ZC3H12D: variants seen among roughly 807,000 people sequenced by gnomAD.
ZC3H12D encodes probable ribonuclease ZC3H12D.
ZC3H12D carries 11 observed loss-of-function variants against 24.2 expected under a neutral mutation model. The observed-to-expected ratio is 0.46, with a 90% CI of 0.29 to 0.75. The LOEUF (loss-of-function observed/expected upper bound fraction) is 0.75, where lower values mean the gene tolerates loss of function less well. ZC3H12D is among the 30% of genes least tolerant of loss of function. The probability of loss-of-function intolerance (pLI) is 0.11; values close to 1 mark genes in which losing one functional copy is unlikely to be tolerated. For synonymous variants in ZC3H12D, 333 were observed against 341.8 expected (o/e 0.97, Z 0.28); for missense variants, 740 against 767.7 (o/e 0.96, Z 0.43).
chr6:149,471,692 AAC>A (rs1463095311), intron 2 of ZC3H12D, among the ~76,000 whole-genome samples: 1 of 152,250 alleles, frequency 6.6e-6, no homozygotes, highest in Non-Finnish European at 1.5e-5. Flanking sequence ...TGAGCTGAGG[AAC>A]ACAGTCTCTA....
In ZC3H12D at chr6:149,452,784, A is replaced by C; in HGVS notation, c.681-62T>G. 6.9e-7 allele frequency: 1 copy of C among 1,452,370 alleles called. No individual in the cohort carries two copies. Among genetic ancestry groups the C allele is most frequent in the Non-Finnish European group, 9.4e-7 (1 of 1,068,502 alleles). The allele number at this position is 1,452,370 out of a possible 1,614,324, so 90.0% of individuals were successfully genotyped here. On this transcript the variant is annotated intron_variant, in intron 4 of 5. Coordinates refer to ENST00000409806, the MANE Select transcript of ZC3H12D (RefSeq NM_207360.3). This position sits in a 1 kb window ranked among gnomAD's most constrained non-coding sequence, Gnocchi z 4.0. ...TGGGATTTGCCACCAGCACCTGTAC[A>C]AAGGGAGCAGGCCCAAGTTCCCCAA...
rs1297785872 is a variant in ZC3H12D, at chr6:149,449,580, G to A, written c.*1103C>T. ...AGCCTCCTGAGTAGCTGGGACTACA[G>A]GTGTATGCCACCATGCCTGGCTAAA... is the stretch of plus-strand genomic sequence containing the variant. On this transcript the variant is annotated 3_prime_UTR_variant, in exon 6 of 6. Transcript: ENST00000409806. The A allele has an allele frequency of 6.6e-6, 1 of 152,228 alleles. No homozygotes were observed. Among genetic ancestry groups the A allele is most frequent in the Non-Finnish European group, 1.5e-5 (1 of 68,132 alleles). The allele number at this position is 152,228 out of a possible 1,614,324, so 9.4% of individuals were successfully genotyped here. A position where few individuals can be genotyped will look rare whatever the true frequency, so the allele number is the denominator to read the frequency against.
At chr6:149,463,170 C>T (rs1776102311) in intron 2 of ZC3H12D, among the ~76,000 whole-genome samples, 1 of 152,162 alleles carries the variant, frequency 6.6e-6, no homozygotes, top group Non-Finnish European at 1.5e-5. Flanking sequence ...TCTACAGAAT[C>T]ACTCTCACCC....
intron 2 of ZC3H12D, among the ~76,000 whole-genome samples, chr6:149,464,202 C>A (rs1445699599): frequency 6.6e-6 from 1 of 152,140 alleles, no homozygotes; most frequent in Non-Finnish European, 1.5e-5. Context: ...AGGGACGGAT[C>A]TGAGAAGGAG....
rs1166581224 is a variant in ZC3H12D, at chr6:149,450,900, G to A, written c.1367C>T (p.Ala456Val). 4.5e-6 allele frequency: 7 copies of A among 1,540,450 alleles called. No homozygotes were observed. The highest frequency in any genetic ancestry group is 6.1e-6 in the Non-Finnish European group (7 of 1,146,328). Residue 456 changes from alanine (A) to valine (V), a missense_variant, in exon 6 of 6, where the codon GCC becomes GTC. Coordinates refer to ENST00000409806, the MANE Select transcript of ZC3H12D (RefSeq NM_207360.3). ...TCCCCCAGTGGCGCCGTCGCCCCAG[G>A]CCGGCTCCGCCCAGACGGAGCGCCC... Reference protein sequence around the residue: ...FPGRSVWAEPAWGDGATGGLS... With the variant: ...FPGRSVWAEPVWGDGATGGLS...
At chr6:149,472,325 G>T (rs1776258934) in intron 2 of ZC3H12D, among the ~76,000 whole-genome samples, 2 of 152,186 alleles carry the variant, frequency 1.3e-5, no homozygotes, top group Non-Finnish European at 2.9e-5. Context: ...AGAGGGAGGG[G>T]ATGTGTGTGT....
chr6:149,465,181 G>A lies in ZC3H12D; in HGVS notation c.306-3211C>T, dbSNP rs1041043888. On this transcript the variant is annotated intron_variant, in intron 2 of 5. Coordinates refer to ENST00000409806, the MANE Select transcript of ZC3H12D (RefSeq NM_207360.3). ...CCAGCCTGACCAACATGGTGAAACC[G>A]CATCTTTACTAAAAATACAAAAATT... 4.6e-5 allele frequency among the ~76,000 whole-genome samples: 7 copies of A among 151,766 alleles called. No homozygotes were observed. In the East Asian group the frequency reaches 5.8e-4, roughly 13 times the overall value.
At chr6:149,459,485 G>A in intron 3 of ZC3H12D, 1 of 671,952 alleles carries the variant, frequency 1.5e-6, no homozygotes, top group South Asian at 1.7e-5. Flanking sequence ...CAGCATGGAG[G>A]GAACCACAGC....
At chr6:149,467,770 T>C (rs769289789) in intron 2 of ZC3H12D, among the ~76,000 whole-genome samples, 13 of 152,134 alleles carry the variant, frequency 8.5e-5, no homozygotes, top group Non-Finnish European at 1.8e-4. Context: ...CTCCCTAGTC[T>C]CCCAAAGACC....
chr6:149,456,610 A>G lies in ZC3H12D; in HGVS notation c.680+56T>C. 5 of 1,048,970 alleles carry G rather than the reference A, an allele frequency of 4.8e-6. No homozygotes were observed. The highest frequency in any genetic ancestry group is 1.6e-5 in the African/African-American group (1 of 64,132). 65.0% of individuals were successfully genotyped at this position (1,048,970 alleles called of 1,614,324 possible). On this transcript the variant is annotated intron_variant, in intron 4 of 5. Transcript: ENST00000409806. This position sits in a 1 kb window ranked among gnomAD's most constrained non-coding sequence, Gnocchi z 4.3. The stretch of plus-strand genomic sequence containing the variant: ...GGTAGCAGGCGTGGCCACTGCCTCG[A>G]CCCCGGCCCCCCGCCCCGCCGCCCC...
chr6:149,461,960 T>A lies in ZC3H12D; in HGVS notation c.316A>T (p.Lys106Ter), dbSNP rs1398617806. The A allele has an allele frequency of 3.1e-6, 5 of 1,611,362 alleles. No individual in the cohort carries two copies. Among genetic ancestry groups the A allele is most frequent in the Non-Finnish European group, 3.4e-6 (4 of 1,178,912 alleles). The change falls in exon 3 of 6, where the codon AAA becomes TAA. Residue 106 changes from lysine (K) to a stop codon, truncating the protein, a stop_gained. Coordinates refer to ENST00000409806, the MANE Select transcript of ZC3H12D (RefSeq NM_207360.3). LOFTEE classifies it high-confidence loss of function. ...ATTCCCCGGCAAGAGAAGGTTTCTT[T>A]ATTTCCATGGCTACAATGGGAAAAC... ...GSNVAMSHGN[K>*]ETFSCRGIKL...
At chr6:149,459,431 A>G (rs1053537728) in intron 3 of ZC3H12D, 20 of 589,106 alleles carry the variant, frequency 3.4e-5, no homozygotes, top group Non-Finnish European at 6.1e-5. Context: ...GGATTTTGAC[A>G]TACTTTGGGA....
intron 2 of ZC3H12D, among the ~76,000 whole-genome samples, chr6:149,473,350 C>T (rs1047065559): frequency 1.3e-5 from 2 of 152,212 alleles, no homozygotes; most frequent in African/African-American, 4.8e-5. Flanking sequence ...GGGAGTAACT[C>T]AGCTTTTGAA....
intron 3 of ZC3H12D, chr6:149,459,681 A>C (rs900552399): frequency 1.1e-5 from 8 of 717,988 alleles, no homozygotes; most frequent in Non-Finnish European, 1.8e-5. Flanking sequence ...CCCTATCCCT[A>C]TAAAGAAAGT....
Position 149,456,627 on chromosome 6 carries a change from C to CCCCCCCCCCCCCCGGGGGGGGG in ZC3H12D, c.680+38_680+39insCCCCCCCCCGGGGGGGGGGGGG. The CCCCCCCCCCCCCCGGGGGGGGG allele has an allele frequency of 1.4e-6, 2 of 1,403,090 alleles. No homozygotes were observed. Among genetic ancestry groups the CCCCCCCCCCCCCCGGGGGGGGG allele is most frequent in the Non-Finnish European group, 2.0e-6 (2 of 997,692 alleles). 86.9% of individuals were successfully genotyped at this position (1,403,090 alleles called of 1,614,324 possible). A position where few individuals can be genotyped will look rare whatever the true frequency, so the allele number is the denominator to read the frequency against. ...CTGCCTCGACCCCGGCCCCCCGCCC[C>CCCCCCCCCCCCCCGGGGGGGGG]GCCGCCCCCCAGGGTGTCAGGACCC... On this transcript the variant is annotated intron_variant, in intron 4 of 5. Transcript: ENST00000409806. This position sits in a 1 kb window ranked among gnomAD's most constrained non-coding sequence, Gnocchi z 4.3.
In ZC3H12D at chr6:149,482,725, C is replaced by T. The variant is rs577231797; in HGVS notation, c.-71+2088G>A. On this transcript the variant is annotated intron_variant, in intron 1 of 5. Coordinates refer to ENST00000409806, the MANE Select transcript of ZC3H12D (RefSeq NM_207360.3). ...AGAGGAGAGAAGGAGTAGGCGGAGA[C>T]GTGGCAGCTCCCACGGGTGCTTCCT... Among the ~76,000 whole-genome samples, 655 of 152,316 alleles carry T rather than the reference C, an allele frequency of 4.3e-3. 10 individuals carry two copies. The highest frequency in any genetic ancestry group is 0.016 in the South Asian group (78 of 4,824).
In ZC3H12D at chr6:149,452,734, G is replaced by A. The variant is rs200613473; in HGVS notation, c.681-12C>T. 3.2e-6 allele frequency: 5 copies of A among 1,583,252 alleles called. No homozygotes were observed. Among genetic ancestry groups the A allele is most frequent in the Admixed American group, 1.8e-5 (1 of 56,260 alleles). Reference sequence around the variant, plus strand: ...CAGGCGGCATGAACCTGGAAAATAAGCACAGGGGCAACTGCAAGACCACCT... The same window carrying A: ...CAGGCGGCATGAACCTGGAAAATAAACACAGGGGCAACTGCAAGACCACCT... On this transcript the variant is annotated splice_polypyrimidine_tract_variant and intron_variant, in intron 4 of 5. Coordinates refer to ENST00000409806, the MANE Select transcript of ZC3H12D (RefSeq NM_207360.3). The surrounding 1 kb of genome is among the most constrained non-coding windows in gnomAD (Gnocchi z 4.0).
chr6:149,474,373 C>T lies in ZC3H12D; in HGVS notation c.171G>A (p.Arg57=). Reference sequence around the variant, plus strand: ...CCCCACAGGAGCCCCGAGGCACTAGCCTGGGTGCAGCCGGGTGCTCCAGGG... The same window carrying T: ...CCCCACAGGAGCCCCGAGGCACTAGTCTGGGTGCAGCCGGGTGCTCCAGGG... The part of the protein sequence containing the change: ...PGALEHPAAP[R]LVPRGSCGVP... Residue 57 remains arginine, a synonymous_variant, in exon 2 of 6, where the codon AGG becomes AGA. Coordinates refer to ENST00000409806, the MANE Select transcript of ZC3H12D (RefSeq NM_207360.3). 1 of 1,608,310 alleles carries T rather than the reference C, an allele frequency of 6.2e-7. No individual in the cohort carries two copies. The highest frequency in any genetic ancestry group is 1.3e-5 in the African/African-American group (1 of 74,992).
In ZC3H12D at chr6:149,480,851, C is replaced by A. The variant is rs371005599; in HGVS notation, c.-71+3962G>T. ...AACTGAACTGCACAGTGAAAGGAGACTGGCTCTTCCAAGTGCGAAGAAGGG... is the reference window on the plus strand; with the variant it reads ...AACTGAACTGCACAGTGAAAGGAGAATGGCTCTTCCAAGTGCGAAGAAGGG... On this transcript the variant is annotated intron_variant, in intron 1 of 5. Coordinates refer to ENST00000409806, the MANE Select transcript of ZC3H12D (RefSeq NM_207360.3). 2.7e-4 allele frequency among the ~76,000 whole-genome samples: 40 copies of A among 148,906 alleles called. 1 individual carries two copies. Among genetic ancestry groups the A allele is most frequent in the African/African-American group, 9.3e-4 (38 of 40,726 alleles).
Sources: gnomAD v4.1 joint callset for allele counts (sites outside exome capture counted in the v4.1 genomes callset) on GRCh38, gnomAD v4.1.1 for gene constraint, Gnocchi (gnomAD v3.1) non-coding constraint, MANE v1.5 for transcripts, NCBI Gene and HGNC (gene_info 2026-07-23, HGNC 2026-07-21) for gene names.